The following PLCB4 variants were observed in gnomAD, a reference collection of about 807,000 sequenced individuals.
PLCB4 encodes the protein phospholipase C beta 4.
A neutral mutation model predicts 178.8 loss-of-function variants in PLCB4; 77 were observed. The observed-to-expected ratio is 0.43, with a 90% CI of 0.36 to 0.52. The LOEUF (loss-of-function observed/expected upper bound fraction) is 0.52. Ranked by LOEUF, PLCB4 falls within the 20% of genes least tolerant of loss-of-function variation. PLCB4 has a pLI of 0.00. For missense variants in PLCB4, 1,024 were observed against 1,453.4 expected (o/e 0.70, Z 4.80); for synonymous variants, 496 against 490.8 (o/e 1.01, Z -0.14).
chr20:9,127,683 T>TATCTATCC (rs1555834408), intron 2 of PLCB4, among the ~76,000 whole-genome samples: 50 of 65,708 alleles, frequency 7.6e-4, no homozygotes, highest in South Asian at 1.0e-3. Context: ...TCTATCTATC[T>TATCTATCC]ATCCATCCAT....
chr20:9,088,308 GGAC>G (rs547335432), intron 1 of PLCB4, among the ~76,000 whole-genome samples: 192 of 151,958 alleles, frequency 1.3e-3, no homozygotes, highest in African/African-American at 4.6e-3. Flanking sequence ...GGTGATCTCT[GGAC>G]TGGCTTGGCC....
At chr20:9,406,636 A>T (rs2039458902) in intron 21 of PLCB4, among the ~76,000 whole-genome samples, 1 of 151,960 alleles carries the variant, frequency 6.6e-6, no homozygotes, top group African/African-American at 2.4e-5. Context: ...CTGGGACTAC[A>T]GGTGCCTGCC....
chr20:9,346,610 G>T (rs962313876), intron 7 of PLCB4, among the ~76,000 whole-genome samples: 4 of 152,132 alleles, frequency 2.6e-5, no homozygotes, highest in Non-Finnish European at 5.9e-5. Context: ...AAGACTGAAA[G>T]TTGACATTTT....
intron 35 of PLCB4, among the ~76,000 whole-genome samples, chr20:9,465,314 C>A (rs1163082167): frequency 6.6e-6 from 1 of 152,124 alleles, no homozygotes; most frequent in Non-Finnish European, 1.5e-5. Context: ...ATGACAAACC[C>A]ACAGCCAATG....
intron 2 of PLCB4, among the ~76,000 whole-genome samples, chr20:9,169,887 A>G (rs2093035822): frequency 6.6e-6 from 1 of 152,072 alleles, no homozygotes; most frequent in Admixed American, 6.5e-5. Flanking sequence ...TCTGTCTTTC[A>G]CTGTCTTATT....
At chr20:9,265,876 C>A (rs1428396420) in intron 3 of PLCB4, among the ~76,000 whole-genome samples, 1 of 152,140 alleles carries the variant, frequency 6.6e-6, no homozygotes, top group African/African-American at 2.4e-5. Context: ...GATTCTCAGG[C>A]CCCACCACAG....
intron 2 of PLCB4, among the ~76,000 whole-genome samples, chr20:9,207,315 T>G (rs923735104): frequency 5.9e-5 from 9 of 152,186 alleles, no homozygotes; most frequent in African/African-American, 2.2e-4. Context: ...GTCTCTTACC[T>G]CCTTAGGCAA....
intron 25 of PLCB4, among the ~76,000 whole-genome samples, chr20:9,416,013 C>T (rs185736480): frequency 1.3e-5 from 2 of 152,196 alleles, no homozygotes; most frequent in Non-Finnish European, 2.9e-5. Flanking sequence ...TGCTAAGTGT[C>T]CTATCCCAGG....
chr20:9,449,910 C>T (rs2042647420), intron 32 of PLCB4, among the ~76,000 whole-genome samples: 1 of 152,164 alleles, frequency 6.6e-6, no homozygotes, highest in African/African-American at 2.4e-5. Context: ...CAGAGTCCGC[C>T]TATTGGTAAT....
intron 4 of PLCB4, among the ~76,000 whole-genome samples, chr20:9,326,320 A>T (rs1286868180): frequency 6.6e-6 from 1 of 152,148 alleles, no homozygotes; most frequent in Non-Finnish European, 1.5e-5. Context: ...TAGAAAGTTG[A>T]TGATGTTCTT....
rs6118568 is a variant in PLCB4, at chr20:9,291,323, C to T, written c.-15-16477C>T. ...CCAAAGACAGCATCTAATATTTACA[C>T]CTAGTTTTAATGTGCAGCCTCACTT... is the stretch of plus-strand genomic sequence containing the variant. On this transcript the variant is annotated intron_variant, in intron 3 of 39. Coordinates refer to ENST00000378473, the MANE Select transcript of PLCB4 (RefSeq NM_001377142.1). Among the ~76,000 whole-genome samples the T allele has an allele frequency of 5.1e-3, 778 of 152,216 alleles. 7 individuals are homozygous for T. Among genetic ancestry groups the T allele is most frequent in the African/African-American group, 0.018 (745 of 41,542 alleles).
rs200280651 is a variant in PLCB4 at position 9,455,878 on chromosome 20, C to G, written c.2997-1536C>G. On this transcript the variant is annotated intron_variant, in intron 33 of 39. Transcript: ENST00000378473. ...CTGGACTTAGTCTTGCTATGTTGCCCAGGCTGAAGTGCAGTAGCACAATCT... is the reference window on the plus strand; with the variant it reads ...CTGGACTTAGTCTTGCTATGTTGCCGAGGCTGAAGTGCAGTAGCACAATCT... Among the ~76,000 whole-genome samples, 5 of 152,186 alleles carry G rather than the reference C, an allele frequency of 3.3e-5. No individual in the cohort carries two copies. The South Asian group carries it at 1.0e-3, about 32-fold the overall frequency.
chr20:9,429,335 C>T (rs2041240666), intron 28 of PLCB4, among the ~76,000 whole-genome samples: 1 of 152,148 alleles, frequency 6.6e-6, no homozygotes, highest in Non-Finnish European at 1.5e-5. Context: ...TGCCGATCAG[C>T]ACTGGAAATG....
At chr20:9,091,812 A>G (rs1432570702) in intron 1 of PLCB4, among the ~76,000 whole-genome samples, 1 of 152,116 alleles carries the variant, frequency 6.6e-6, no homozygotes, top group African/African-American at 2.4e-5. Flanking sequence ...TCTAGAAGTG[A>G]TGCTTACAGA....
chr20:9,291,791 C>T (rs1033168134), intron 3 of PLCB4, among the ~76,000 whole-genome samples: 1 of 152,078 alleles, frequency 6.6e-6, no homozygotes. Flanking sequence ...TGGGGCAGTA[C>T]CCCTGTGTGG....
At chr20:9,368,946 G>A (rs1222805394) in intron 9 of PLCB4, among the ~76,000 whole-genome samples, 2 of 152,136 alleles carry the variant, frequency 1.3e-5, no homozygotes, top group Non-Finnish European at 2.9e-5. Flanking sequence ...TGAACATGGG[G>A]CTATATAGAG....
intron 4 of PLCB4, among the ~76,000 whole-genome samples, chr20:9,322,117 ATTTTTT>A (rs749496709): frequency 1.7e-5 from 2 of 116,598 alleles, no homozygotes; most frequent in African/African-American, 7.3e-5. Context: ...CACCCAGGTA[ATTTTTT>A]TTTTTTTTTT....
chr20:9,133,090 T>C (rs763230012), intron 2 of PLCB4, among the ~76,000 whole-genome samples: 8 of 152,270 alleles, frequency 5.3e-5, no homozygotes, highest in Admixed American at 6.5e-5. Flanking sequence ...TCTAATTTCA[T>C]ACCTCTGACC....
intron 4 of PLCB4, among the ~76,000 whole-genome samples, chr20:9,316,746 C>T (rs2094903662): frequency 6.6e-6 from 1 of 152,088 alleles, no homozygotes; most frequent in Admixed American, 6.6e-5. Context: ...TCAGTTGGCC[C>T]GAACACTGAA....
Sources: allele counts gnomAD v4.1 joint callset (sites outside exome capture counted in the v4.1 genomes callset), GRCh38; gene constraint gnomAD v4.1.1; transcripts MANE v1.5; gene names NCBI Gene and HGNC (gene_info 2026-07-23, HGNC 2026-07-21).